Variants in PECAM1 observed in about 807,000 individuals in gnomAD.
PECAM1 encodes the protein platelet endothelial cell adhesion molecule.
In PECAM1, 8 loss-of-function variants were observed where a neutral mutation model predicts 13.8. That is an observed-to-expected ratio of 0.58 (90% CI 0.34 to 1.05). The LOEUF (loss-of-function observed/expected upper bound fraction) is 1.05, where lower values mean the gene tolerates loss of function less well. PECAM1 is among the 50% of genes least tolerant of loss of function. The pLI, the probability that PECAM1 is intolerant of heterozygous loss-of-function variation, is 0.03. For missense variants in PECAM1, 304 were observed against 141.2 expected (o/e 2.15, Z -5.84); for synonymous variants, 136 against 52.6 (o/e 2.58, Z -6.86).
At chr17:64,381,779 C>T (rs1408902625) in intron 2 of PECAM1, among the ~76,000 whole-genome samples, 6 of 152,134 alleles carry the variant, frequency 3.9e-5, no homozygotes, top group Non-Finnish European at 8.8e-5. Context: ...ATTTAAGAAG[C>T]CTGCTGGATG....
At chr17:64,363,866 C>T (rs1379423069) in intron 5 of PECAM1, among the ~76,000 whole-genome samples, 2 of 151,968 alleles carry the variant, frequency 1.3e-5, no homozygotes, top group Admixed American at 1.3e-4. Context: ...ATCCCTTGAA[C>T]CCAGGAGACA....
intron 14 of PECAM1, among the ~76,000 whole-genome samples, chr17:64,332,335 C>G (rs987889536): frequency 7.6e-6 from 1 of 131,044 alleles, no homozygotes; most frequent in East Asian, 2.0e-4. Flanking sequence ...ATTCCTGGAC[C>G]CTCCTAGTCC....
chr17:64,387,042 C>T lies in PECAM1; in HGVS notation c.91+3447G>A, dbSNP rs1298853844. 2.6e-5 allele frequency among the ~76,000 whole-genome samples: 4 copies of T among 152,012 alleles called. No homozygotes were observed. In the East Asian group the frequency reaches 7.7e-4, roughly 29 times the overall value. ...CGCAGAGACCAGGACAGGGTTCAGA[C>T]TCCAGGAGAAGACAAAGTAAGTCCA... On this transcript the variant is annotated intron_variant, in intron 2 of 15. Transcript: ENST00000563924.
At chr17:64,385,944 G>A (rs1440792259) in intron 2 of PECAM1, among the ~76,000 whole-genome samples, 1 of 152,228 alleles carries the variant, frequency 6.6e-6, no homozygotes, top group African/African-American at 2.4e-5. Context: ...GGCCTGCTGT[G>A]CTGACAAGCT....
At chr17:64,379,414 C>A (rs1004284999) in intron 2 of PECAM1, among the ~76,000 whole-genome samples, 1 of 152,146 alleles carries the variant, frequency 6.6e-6, no homozygotes, top group Non-Finnish European at 1.5e-5. Flanking sequence ...TGGTTGTGGG[C>A]AACTGCCCTG....
chr17:64,366,830 G>T (rs1309912012), intron 5 of PECAM1, among the ~76,000 whole-genome samples: 1 of 113,044 alleles, frequency 8.8e-6, no homozygotes, highest in Admixed American at 1.0e-4. Context: ...GTAGTGGGGT[G>T]GGGGGAGGGG....
chr17:64,321,801 A>G lies in PECAM1; in HGVS notation c.*2015T>C, dbSNP rs1296431388. On this transcript the variant is annotated 3_prime_UTR_variant, in exon 16 of 16. Coordinates refer to ENST00000563924, the MANE Select transcript of PECAM1 (RefSeq NM_000442.5). The stretch of plus-strand genomic sequence containing the variant: ...AACAAAAAATTCAGTCGTGCTGCAT[A>G]AGTAAGGCACCAGGAGTAGGAATAG... 1 of 1,335,070 alleles carries G rather than the reference A, an allele frequency of 7.5e-7. No individual in the cohort carries two copies. The highest frequency in any genetic ancestry group is 1.9e-5 in the Admixed American group (1 of 51,590). 82.7% of individuals were successfully genotyped at this position (1,335,070 alleles called of 1,614,324 possible). A position where few individuals can be genotyped will look rare whatever the true frequency, so the allele number is the denominator to read the frequency against.
At chr17:64,375,668 T>A (rs961110867) in intron 3 of PECAM1, among the ~76,000 whole-genome samples, 3 of 146,962 alleles carry the variant, frequency 2.0e-5, no homozygotes, top group Non-Finnish European at 4.5e-5. Flanking sequence ...AAAAAAAAAA[T>A]TAAAAATTAG....
chr17:64,350,285 A>G (rs2035687173), intron 12 of PECAM1, 95 bp downstream of exon 12: 1 of 398,054 alleles, frequency 2.5e-6, no homozygotes, highest in African/African-American at 2.1e-5. Flanking sequence ...GTGGGAAATT[A>G]TCCACAGTCC....
intron 2 of PECAM1, among the ~76,000 whole-genome samples, chr17:64,380,348 A>AG: frequency 2.8e-5 from 1 of 36,224 alleles, no homozygotes; most frequent in East Asian, 6.1e-4. Context: ...AAATAAGTAT[A>AG]AAAAAGAGAA....
chr17:64,381,309 T>G (rs1251512779), intron 2 of PECAM1, among the ~76,000 whole-genome samples: 2 of 152,238 alleles, frequency 1.3e-5, no homozygotes, highest in Non-Finnish European at 2.9e-5. Flanking sequence ...ATTTCACCTC[T>G]GCTTCTAGCA....
rs906979796 is a variant in PECAM1 at position 64,323,335 on chromosome 17, A to G, written c.*481T>C. 9.4e-6 allele frequency: 10 copies of G among 1,058,272 alleles called. No homozygotes were observed. The African/African-American group carries it at 1.5e-4, about 16-fold the overall frequency. 65.6% of individuals were successfully genotyped at this position (1,058,272 alleles called of 1,614,324 possible). A position where few individuals can be genotyped will look rare whatever the true frequency, so the allele number is the denominator to read the frequency against. On this transcript the variant is annotated 3_prime_UTR_variant, in exon 16 of 16. Transcript: ENST00000563924. ...TGTCTGGTCAGCACTGTGTATTTCC[A>G]AAGAACAAGGACTAGCCAAAACTAC... is the stretch of plus-strand genomic sequence containing the variant.
rs1340284698 is a variant in PECAM1 at position 64,360,129 on chromosome 17, C to T, written c.1492+11G>A. The T allele has an allele frequency of 2.1e-6, 1 of 475,286 alleles. No homozygotes were observed. The highest frequency in any genetic ancestry group is 3.9e-6 in the Non-Finnish European group (1 of 259,078). 29.4% of individuals were successfully genotyped at this position (475,286 alleles called of 1,614,324 possible). A position where few individuals can be genotyped will look rare whatever the true frequency, so the allele number is the denominator to read the frequency against. ...GCCCACATGATTTCTTCTCACAGCA[C>T]AGCAACTTACCTATCACCTTCACCC... On this transcript the variant is annotated intron_variant, in intron 7 of 15. Coordinates refer to ENST00000563924, the MANE Select transcript of PECAM1 (RefSeq NM_000442.5).
At chr17:64,379,850 C>T in intron 2 of PECAM1, among the ~76,000 whole-genome samples, 1 of 151,528 alleles carries the variant, frequency 6.6e-6, no homozygotes, top group Non-Finnish European at 1.5e-5. Context: ...ATGGCAAAAC[C>T]CTGACTCTAC....
At chr17:64,378,574 G>A (rs2036414220) in intron 2 of PECAM1, among the ~76,000 whole-genome samples, 3 of 152,062 alleles carry the variant, frequency 2.0e-5, no homozygotes, top group South Asian at 2.1e-4. Context: ...CCTGGGAGGC[G>A]GGGGTTGCAG....
At chr17:64,341,574 G>T (rs928689542) in intron 14 of PECAM1, 60 bp downstream of exon 14, 13 of 419,458 alleles carry the variant, frequency 3.1e-5, no homozygotes, top group African/African-American at 1.8e-4. Context: ...CACTCCCAAG[G>T]CCCCATCAGT....
chr17:64,385,748 G>A (rs1410587674), intron 2 of PECAM1, among the ~76,000 whole-genome samples: 1 of 152,202 alleles, frequency 6.6e-6, no homozygotes, highest in Non-Finnish European at 1.5e-5. Flanking sequence ...TCTGAAGGAA[G>A]TGACCACTGA....
At chr17:64,342,726 T>C (rs2143738144) in intron 13 of PECAM1, among the ~76,000 whole-genome samples, 1 of 152,190 alleles carries the variant, frequency 6.6e-6, no homozygotes, top group East Asian at 1.9e-4. Flanking sequence ...GGCGTATACC[T>C]GGAGGAGACT....
intron 2 of PECAM1, among the ~76,000 whole-genome samples, chr17:64,380,653 T>A (rs2143890473): frequency 6.6e-6 from 1 of 152,318 alleles, no homozygotes; most frequent in South Asian, 2.1e-4. Context: ...ACAGATGACA[T>A]GATATGTAAA....
Sources: gnomAD v4.1 joint callset for allele counts (sites outside exome capture counted in the v4.1 genomes callset) on GRCh38, gnomAD v4.1.1 for gene constraint, MANE v1.5 for transcripts, NCBI Gene and HGNC (gene_info 2026-07-23, HGNC 2026-07-21) for gene names.